ZNF510: variants seen among roughly 807,000 people sequenced by gnomAD.
ZNF510 encodes zinc finger protein 510.
A neutral mutation model predicts 18.1 loss-of-function variants in ZNF510; 15 were observed. That is an observed-to-expected ratio of 0.83 (90% CI 0.55 to 1.28). The LOEUF (loss-of-function observed/expected upper bound fraction) is 1.28, where lower values mean the gene tolerates loss of function less well. ZNF510 is among the 50% of genes most tolerant of loss of function. The pLI is 0.00. For synonymous variants in ZNF510, 261 were observed against 266.4 expected (o/e 0.98, Z 0.20); for missense variants, 724 against 791.8 (o/e 0.91, Z 1.03).
Position 96,759,643 on chromosome 9 carries a change from C to A in ZNF510, c.1187G>T (p.Arg396Ile), listed in dbSNP as rs143323990. 5 of 1,613,724 alleles carry A rather than the reference C, an allele frequency of 3.1e-6. No individual in the cohort carries two copies. The highest frequency in any genetic ancestry group is 4.2e-6 in the Non-Finnish European group (5 of 1,179,990). ...ATAGGGTTTCATCATTGAGTGACTT[C>A]TTCGGCGAACTCTGTGAACCGACGT... Reference protein sequence around the residue: ...YQTSVHRVRRRSHSMMKPYKC... With the variant: ...YQTSVHRVRRISHSMMKPYKC... The change falls in exon 6 of 6, where the codon AGA (arginine) becomes ATA (isoleucine). Residue 396 changes from arginine to isoleucine, a missense_variant. Coordinates refer to ENST00000223428, the MANE Select transcript of ZNF510 (RefSeq NM_014930.3).
Position 96,759,595 on chromosome 9 carries a change from G to C in ZNF510, c.1235C>G (p.Ser412Cys), listed in dbSNP as rs1191845067. 1.2e-6 allele frequency: 2 copies of C among 1,614,006 alleles called. No individual in the cohort carries two copies. Among genetic ancestry groups the C allele is most frequent in the Non-Finnish European group, 1.7e-6 (2 of 1,179,992 alleles). Residue 412 changes from serine to cysteine, a missense_variant, in exon 6 of 6, where the codon TCC (serine) becomes TGC (cysteine). Physicochemically the swap from Ser to Cys is moderately radical, Grantham distance 112. Transcript: ENST00000223428. ...KPYKCNECGK[S>C]FCQKGHLIQH... ...AATGAGATGTCCTTTCTGACAGAAG[G>C]ATTTCCCACATTCATTACATTTATA... is the stretch of plus-strand genomic sequence containing the variant.
intron 3 of ZNF510, among the ~76,000 whole-genome samples, chr9:96,768,208 G>C (rs1468503560): frequency 6.6e-6 from 1 of 152,104 alleles, no homozygotes; most frequent in Non-Finnish European, 1.5e-5. Flanking sequence ...GACTAGAATA[G>C]AACTGCTGCA....
At chr9:96,771,530 A>G (rs10978901) in intron 3 of ZNF510, among the ~76,000 whole-genome samples, 8,225 of 152,012 alleles carry the variant, frequency 0.054, 720 homozygotes, top group African/African-American at 0.19. Flanking sequence ...ATAAGACTCA[A>G]TGGTGAAATA....
intron 3 of ZNF510, among the ~76,000 whole-genome samples, chr9:96,772,283 AAAAT>A (rs1400120047): frequency 6.6e-6 from 1 of 152,192 alleles, no homozygotes; most frequent in African/African-American, 2.4e-5. Flanking sequence ...AGATCAAGCT[AAAAT>A]AAACAAGTAT....
At chr9:96,770,077 A>C (rs968458796) in intron 3 of ZNF510, among the ~76,000 whole-genome samples, 37 of 152,234 alleles carry the variant, frequency 2.4e-4, no homozygotes, top group African/African-American at 8.4e-4. Flanking sequence ...ATTAGTCCCA[A>C]GAGAAAACAG....
At chr9:96,763,072 C>G (rs766689136) in intron 5 of ZNF510, 46 bp downstream of exon 5, 3 of 1,531,896 alleles carry the variant, frequency 2.0e-6, no homozygotes, top group South Asian at 1.1e-5. Context: ...GACCTGGAGT[C>G]TAACCACTCC....
intron 2 of ZNF510, 80 bp from the exon 3 acceptor site, chr9:96,774,926 GA>G: frequency 5.5e-5 from 67 of 1,212,748 alleles, no homozygotes; most frequent in East Asian, 7.1e-5. Flanking sequence ...ACCAGCTGGG[GA>G]AAAAGGCCTC....
chr9:96,775,279 C>T (rs56920615), intron 2 of ZNF510, among the ~76,000 whole-genome samples: 7,315 of 152,102 alleles, frequency 0.048, 582 homozygotes, highest in African/African-American at 0.17. Context: ...AGGCTGGTCT[C>T]GAACTCCTGA....
intron 5 of ZNF510, 33 bp downstream of exon 5, chr9:96,763,085 C>T: frequency 1.3e-6 from 2 of 1,589,288 alleles, no homozygotes; most frequent in Middle Eastern, 1.7e-4. Context: ...ACCACTCCTG[C>T]AGAATTATGT....
Position 96,760,458 on chromosome 9 carries a change from G to A in ZNF510, c.372C>T (p.Asp124=), listed in dbSNP as rs1449252653. The A allele has an allele frequency of 5.0e-6, 8 of 1,606,200 alleles. No homozygotes were observed. Among genetic ancestry groups the A allele is most frequent in the Non-Finnish European group, 6.8e-6 (8 of 1,176,474 alleles). The change falls in exon 6 of 6, where the codon GAC becomes GAT. Residue 124 remains aspartate, a synonymous_variant. Transcript: ENST00000223428. The part of the protein sequence containing the change: ...QSHPKDYRGD[D]LIKQNKKIKD... ...TGATTTTCTTGTTCTGCTTGATCAG[G>A]TCATCACCTCTGTAATCTTCTAAAA...
At chr9:96,763,427 T>C (rs1190953544) in intron 4 of ZNF510, 79 bp downstream of exon 4, 6 of 1,486,384 alleles carry the variant, frequency 4.0e-6, no homozygotes, top group South Asian at 2.7e-5. Flanking sequence ...TTTAAGTAAA[T>C]TGTTCACATG....
intron 3 of ZNF510, among the ~76,000 whole-genome samples, chr9:96,767,830 C>CTAAT (rs1343977026): frequency 1.3e-5 from 2 of 152,148 alleles, no homozygotes; most frequent in Non-Finnish European, 2.9e-5. Context: ...CAATCCTTCT[C>CTAAT]TAATTCTTCC....
At position 96,757,419 on chromosome 9, in the gene ZNF510, C is replaced by A. The variant is rs1849222278; in HGVS notation, c.*1359G>T. ...CAATTTCATTACATTGAAAGGATGT[C>A]TTTTCCACAATTCTCTGATCATATT... is the stretch of plus-strand genomic sequence containing the variant. On this transcript the variant is annotated 3_prime_UTR_variant, in exon 6 of 6. Transcript: ENST00000223428. The A allele has an allele frequency of 6.6e-6, 1 of 152,190 alleles. No homozygotes were observed. Among genetic ancestry groups the A allele is most frequent in the Admixed American group, 6.5e-5 (1 of 15,276 alleles). The allele number at this position is 152,190 out of a possible 1,614,324, so 9.4% of individuals were successfully genotyped here. A position where few individuals can be genotyped will look rare whatever the true frequency, so the allele number is the denominator to read the frequency against.
chr9:96,756,361 C>T lies in ZNF510; in HGVS notation c.*2417G>A, dbSNP rs747501630. 9.2e-5 allele frequency: 14 copies of T among 152,024 alleles called. No homozygotes were observed. The highest frequency in any genetic ancestry group is 5.2e-4 in the Admixed American group (8 of 15,256). The allele number at this position is 152,024 out of a possible 1,614,324, so 9.4% of individuals were successfully genotyped here. On this transcript the variant is annotated 3_prime_UTR_variant, in exon 6 of 6. Transcript: ENST00000223428. ...ACAGGATCCTAGTAGTTTCAGTTGG[C>T]GAAAGCATCAGTGAGCCAGGCCCAA... is the stretch of plus-strand genomic sequence containing the variant.
rs1849655345 is a variant in ZNF510, at chr9:96,774,821, G to A, written c.96C>T (p.Leu32=). 7.4e-6 allele frequency: 12 copies of A among 1,614,028 alleles called. No homozygotes were observed. The highest frequency in any genetic ancestry group is 1.0e-5 in the Non-Finnish European group (12 of 1,179,984). Residue 32 remains leucine, a synonymous_variant, in exon 3 of 6, where the codon CTC becomes CTT. Coordinates refer to ENST00000223428, the MANE Select transcript of ZNF510 (RefSeq NM_014930.3). ...TGTTCATTTTCTGCTGCTCCTGAAAGAGTGTGGAGAACCGTAAAGGATAAC... is the reference window on the plus strand; with the variant it reads ...TGTTCATTTTCTGCTGCTCCTGAAAAAGTGTGGAGAACCGTAAAGGATAAC... ...EGGYPLRFST[L]FQEQQKMNIS...
In ZNF510 at chr9:96,759,423, A is replaced by C. The variant is rs1488621137; in HGVS notation, c.1407T>G (p.Phe469Leu). 6.2e-7 allele frequency: 1 copy of C among 1,614,114 alleles called. No homozygotes were observed. The highest frequency in any genetic ancestry group is 1.1e-5 in the South Asian group (1 of 91,082). Residue 469 changes from phenylalanine (F) to leucine (L), a missense_variant, in exon 6 of 6, where the codon TTT becomes TTG. By Grantham distance (22) the Phe-to-Leu change is conservative (BLOSUM62 0). Coordinates refer to ENST00000223428, the MANE Select transcript of ZNF510 (RefSeq NM_014930.3). ...GTCCCCTGAGGGTTGACTTCTGGAC[A>C]AATGTTTTTCCACATTCATTACATT... Reference protein sequence around the residue: ...PYKCNECGKTFVQKSTLRGHQ... With the variant: ...PYKCNECGKTLVQKSTLRGHQ...
Position 96,756,338 on chromosome 9 carries a change from A to G in ZNF510, c.*2440T>C, listed in dbSNP as rs1196827428. ...AATGGCACTGAGTTTGAACACACACAGGATCCTAGTAGTTTCAGTTGGCGA... is the reference window on the plus strand; with the variant it reads ...AATGGCACTGAGTTTGAACACACACGGGATCCTAGTAGTTTCAGTTGGCGA... On this transcript the variant is annotated 3_prime_UTR_variant, in exon 6 of 6. Transcript: ENST00000223428. The G allele has an allele frequency of 2.6e-5, 4 of 152,180 alleles. No individual in the cohort carries two copies. The highest frequency in any genetic ancestry group is 7.2e-5 in the African/African-American group (3 of 41,436). 9.4% of individuals were successfully genotyped at this position (152,180 alleles called of 1,614,324 possible).
At chr9:96,763,939 T>A (rs916437284) in intron 3 of ZNF510, among the ~76,000 whole-genome samples, 12 of 151,862 alleles carry the variant, frequency 7.9e-5, no homozygotes, top group Non-Finnish European at 1.5e-5. Flanking sequence ...CTACAAAAAA[T>A]TTAAAAAATT....
intron 3 of ZNF510, among the ~76,000 whole-genome samples, chr9:96,773,463 A>G (rs1357074415): frequency 6.6e-6 from 1 of 152,238 alleles, no homozygotes; most frequent in African/African-American, 2.4e-5. Context: ...CTTACAGGAA[A>G]AGAAAATTTG....
Sources: allele counts gnomAD v4.1 joint callset (sites outside exome capture counted in the v4.1 genomes callset), GRCh38; gene constraint gnomAD v4.1.1; transcripts MANE v1.5; gene names NCBI Gene and HGNC (gene_info 2026-07-23, HGNC 2026-07-21).